PCDH15: variants seen among roughly 807,000 people sequenced by gnomAD.
PCDH15 encodes protocadherin related 15, also known as protocadherin-15.
A neutral mutation model predicts 178.5 loss-of-function variants in PCDH15; 129 were observed. The ratio of observed to expected loss-of-function variants is 0.72; its 90% CI spans 0.63 to 0.84. The LOEUF is 0.84. Ranked by LOEUF, PCDH15 falls within the 40% of genes least tolerant of loss-of-function variation. PCDH15 has a pLI of 0.00. For synonymous variants in PCDH15, 800 were observed against 732.0 expected, an observed-to-expected ratio of 1.09 and a Z score of -1.50; for missense variants, 2,230 against 2,099.9, an observed-to-expected ratio of 1.06 and a Z score of -1.21.
chr10:53,806,624 C>G lies in PCDH15; in HGVS notation c.5178G>C (p.Trp1726Cys). Residue 1726 changes from tryptophan (W) to cysteine (C), a missense_variant, in exon 38 of 38, where the codon TGG (tryptophan) becomes TGC (cysteine). Coordinates refer to ENST00000644397, the MANE Select transcript of PCDH15 (RefSeq NM_001384140.1). Reference protein sequence around the residue: ...DHTQSDDEELWMGPWNNLHIP... With the variant: ...DHTQSDDEELCMGPWNNLHIP... The stretch of plus-strand genomic sequence containing the variant: ...TATGGAGGTTGTTCCAGGGGCCCAT[C>G]CAAAGCTCTTCATCATCAGACTGTG... 6.2e-7 allele frequency: 1 copy of G among 1,613,644 alleles called. No individual in the cohort carries two copies. The highest frequency in any genetic ancestry group is 1.3e-5 in the African/African-American group (1 of 74,994).
At chr10:54,755,664 GAATT>G (rs1334174746) in intron 1 of PCDH15, among the ~76,000 whole-genome samples, 7 of 151,918 alleles carry the variant, frequency 4.6e-5, no homozygotes, top group African/African-American at 1.7e-4. Flanking sequence ...TATGAATTAT[GAATT>G]AATCTAATCA....
chr10:55,117,599 A>T (rs1427267537), intron 2 of PCDH15, among the ~76,000 whole-genome samples: 1 of 152,144 alleles, frequency 6.6e-6, no homozygotes, highest in African/African-American at 2.4e-5. Flanking sequence ...GAGAAACAAA[A>T]CAGCCTGTCC....
intron 2 of PCDH15, among the ~76,000 whole-genome samples, chr10:54,938,324 G>C (rs1837958307): frequency 6.8e-6 from 1 of 147,166 alleles, no homozygotes; most frequent in South Asian, 2.2e-4. Flanking sequence ...TATGTTGATG[G>C]ATGTAGTCTG....
intron 15 of PCDH15, among the ~76,000 whole-genome samples, chr10:54,094,337 A>G (rs758000513): frequency 6.6e-5 from 10 of 152,186 alleles, no homozygotes; most frequent in Non-Finnish European, 1.3e-4. Flanking sequence ...CAACTACAAA[A>G]TATTTCACAA....
intron 2 of PCDH15, among the ~76,000 whole-genome samples, chr10:55,605,095 C>T (rs200067321): frequency 0.32 from 48,368 of 150,572 alleles, 8,179 homozygotes; most frequent in African/African-American, 0.44. Context: ...ATACAAACTA[C>T]CATCAGAGAA....
In PCDH15 at chr10:54,998,941, G is replaced by A. The variant is rs78312107; in HGVS notation, c.-79-101441C>T. On this transcript the variant is annotated intron_variant, in intron 2 of 5. Transcript: ENST00000458638. ...AGCACTGTAGCCTCCGATGTAAACT[G>A]AGTAAGATAAAATGTGGGGGTTGCT... Among the ~76,000 whole-genome samples, 1,305 of 152,266 alleles carry A rather than the reference G, an allele frequency of 8.6e-3. 17 individuals are homozygous for A. Among genetic ancestry groups the A allele is most frequent in the African/African-American group, 0.019 (803 of 41,560 alleles).
intron 2 of PCDH15, among the ~76,000 whole-genome samples, chr10:55,467,334 A>C (rs1839851256): frequency 6.6e-6 from 1 of 151,178 alleles, no homozygotes; most frequent in Admixed American, 6.6e-5. Flanking sequence ...TGAGAGGAAA[A>C]GGAAACAGGA....
At chr10:54,253,140 A>G (rs550906549) in intron 8 of PCDH15, among the ~76,000 whole-genome samples, 2 of 152,226 alleles carry the variant, frequency 1.3e-5, no homozygotes, top group South Asian at 4.1e-4. Flanking sequence ...TTTACTAGAG[A>G]AATATCATTT....
At chr10:55,126,306 C>T (rs1837899262) in intron 2 of PCDH15, among the ~76,000 whole-genome samples, 1 of 152,058 alleles carries the variant, frequency 6.6e-6, no homozygotes, top group Non-Finnish European at 1.5e-5. Context: ...ATGAATAACC[C>T]ATAGTCGGAA....
At chr10:54,921,162 C>T (rs1009002730) in intron 2 of PCDH15, among the ~76,000 whole-genome samples, 30 of 152,240 alleles carry the variant, frequency 2.0e-4, no homozygotes, top group African/African-American at 7.2e-4. Flanking sequence ...ATTCTTGCAT[C>T]TTACCAATCT....
At chr10:54,735,395 T>C (rs1446470551) in intron 1 of PCDH15, among the ~76,000 whole-genome samples, 2 of 152,052 alleles carry the variant, frequency 1.3e-5, no homozygotes, top group East Asian at 3.9e-4. Context: ...GAGCACTTTT[T>C]CATGTGTTTT....
chr10:53,954,849 T>C (rs1473547997), intron 23 of PCDH15, among the ~76,000 whole-genome samples: 1 of 152,232 alleles, frequency 6.6e-6, no homozygotes, highest in Non-Finnish European at 1.5e-5. Context: ...AACGCATATT[T>C]AAATGTAAAA....
At chr10:55,588,302 C>G (rs1404544367) in intron 2 of PCDH15, among the ~76,000 whole-genome samples, 3 of 152,164 alleles carry the variant, frequency 2.0e-5, no homozygotes, top group Non-Finnish European at 1.5e-5. Flanking sequence ...ACCAAACCCA[C>G]AAACTTCTTT....
chr10:54,953,355 T>C (rs1223687324), intron 2 of PCDH15, among the ~76,000 whole-genome samples: 2 of 151,430 alleles, frequency 1.3e-5, no homozygotes, highest in Non-Finnish European at 1.5e-5. Context: ...CAGAATTGAG[T>C]ATATGAAATA....
chr10:54,241,865 T>C (rs1388434115), intron 8 of PCDH15, among the ~76,000 whole-genome samples: 1 of 146,210 alleles, frequency 6.8e-6, no homozygotes, highest in Non-Finnish European at 1.5e-5. Flanking sequence ...TGTAATTATA[T>C]GGTTTAAGAA....
chr10:54,264,755 G>T lies in PCDH15; in HGVS notation c.877-27824C>A, dbSNP rs1012923910. ...AAAAGACAAAGCCTTCAAGAAATAT[G>T]GGATTATGTAAAGAAACCAATTCTA... On this transcript the variant is annotated intron_variant, in intron 8 of 37. Coordinates refer to ENST00000644397, the MANE Select transcript of PCDH15 (RefSeq NM_001384140.1). Among the ~76,000 whole-genome samples the T allele has an allele frequency of 3.3e-5, 5 of 152,026 alleles. No homozygotes were observed. In the South Asian group the frequency reaches 1.0e-3, roughly 32 times the overall value.
intron 8 of PCDH15, among the ~76,000 whole-genome samples, chr10:54,301,461 G>A (rs1205912825): frequency 6.6e-6 from 1 of 152,028 alleles, no homozygotes; most frequent in Non-Finnish European, 1.5e-5. Context: ...CAAACTCTCA[G>A]GTAAATTTGC....
intron 9 of PCDH15, among the ~76,000 whole-genome samples, chr10:54,231,195 C>T (rs1036323937): frequency 3.0e-4 from 45 of 152,194 alleles, no homozygotes; most frequent in African/African-American, 1.1e-3. Flanking sequence ...GGCTCCACTG[C>T]CCTGTGCAAC....
chr10:54,490,292 C>T (rs2079462772), intron 3 of PCDH15, among the ~76,000 whole-genome samples: 1 of 151,742 alleles, frequency 6.6e-6, no homozygotes, highest in East Asian at 2.0e-4. Context: ...CTATTAAAAA[C>T]ACAAAAAATT....
Sources: gnomAD v4.1 joint callset for allele counts (sites outside exome capture counted in the v4.1 genomes callset) on GRCh38, gnomAD v4.1.1 for gene constraint, MANE v1.5 for transcripts, NCBI Gene and HGNC (gene_info 2026-07-23, HGNC 2026-07-21) for gene names.